The following SLC24A2 variants were observed in gnomAD, a reference collection of about 807,000 sequenced individuals.
SLC24A2 encodes the protein sodium/potassium/calcium exchanger 2.
In SLC24A2, 36 loss-of-function variants were observed where a neutral mutation model predicts 62.0. The observed-to-expected ratio is 0.58, with a 90% confidence interval of 0.44 to 0.77. SLC24A2 has a LOEUF of 0.77. Among genes scored for constraint, SLC24A2 ranks in the 30% least tolerant of loss-of-function variants. The pLI is 0.00. For missense variants in SLC24A2, 846 were observed against 817.9 expected (o/e 1.03, Z -0.42); for synonymous variants, 358 against 294.0 (o/e 1.22, Z -2.23).
the SLC24A2 span, among the ~76,000 whole-genome samples, chr9:20,164,577 G>A: frequency 3.9e-4 from 59 of 150,770 alleles, no homozygotes; most frequent in East Asian, 7.3e-3. Context: ...TCAGTGTGGC[G>A]ATTCCTCAGG....
chr9:20,300,971 A>ACAGTG, the SLC24A2 span, among the ~76,000 whole-genome samples: 1 of 152,298 alleles, frequency 6.6e-6, no homozygotes, highest in East Asian at 1.9e-4. Context: ...ACACACACAA[A>ACAGTG]CAGTGTCAAT....
At chr9:19,581,009 T>A (rs1248765193) in intron 5 of SLC24A2, among the ~76,000 whole-genome samples, 4 of 152,104 alleles carry the variant, frequency 2.6e-5, no homozygotes, top group Non-Finnish European at 5.9e-5. Flanking sequence ...TGTGTGGCAT[T>A]GAAAGAACTC....
At chr9:19,814,517 G>C in the SLC24A2 span, among the ~76,000 whole-genome samples, 1 of 152,078 alleles carries the variant, frequency 6.6e-6, no homozygotes, top group Non-Finnish European at 1.5e-5. Flanking sequence ...GGTAGTAATT[G>C]AGCTTTCCTT....
chr9:19,881,674 C>T, the SLC24A2 span, among the ~76,000 whole-genome samples: 1 of 152,130 alleles, frequency 6.6e-6, no homozygotes, highest in African/African-American at 2.4e-5. Context: ...GGCAACATTG[C>T]CAGTACTCTT....
intron 2 of SLC24A2, among the ~76,000 whole-genome samples, chr9:19,654,124 G>A (rs1240910126): frequency 3.9e-5 from 6 of 152,142 alleles, no homozygotes. Context: ...TCCACTTTTG[G>A]TTATTACAGT....
At chr9:20,297,287 C>T in the SLC24A2 span, among the ~76,000 whole-genome samples, 1 of 152,128 alleles carries the variant, frequency 6.6e-6, no homozygotes, top group African/African-American at 2.4e-5. Flanking sequence ...GGTTAGGACC[C>T]AAACCTGGAT....
the SLC24A2 span, among the ~76,000 whole-genome samples, chr9:20,158,097 G>C: frequency 6.6e-6 from 1 of 151,438 alleles, no homozygotes; most frequent in African/African-American, 2.4e-5. Context: ...TTAATACATA[G>C]AATCAAAAAT....
At position 19,786,249 on chromosome 9, in the gene SLC24A2, G is replaced by T; in HGVS notation, c.618C>A (p.Gly206=). The T allele has an allele frequency of 1.9e-6, 3 of 1,614,090 alleles. No individual in the cohort carries two copies. The highest frequency in any genetic ancestry group is 2.5e-6 in the Non-Finnish European group (3 of 1,180,012). ...VFIAHSNVGI[G]TIVGSAVFNI... ...TGAATACTGCTGAACCTACAATTGT[G>T]CCTATGCCAACGTTGCTGTGAGCGA... is the stretch of plus-strand genomic sequence containing the variant. Residue 206 remains glycine (G), a synonymous_variant, in exon 2 of 11, where the codon GGC becomes GGA. Transcript: ENST00000341998. This position sits in a 1 kb window ranked among gnomAD's most constrained non-coding sequence, Gnocchi z 5.0.
chr9:20,186,490 C>T, the SLC24A2 span, among the ~76,000 whole-genome samples: 1 of 152,084 alleles, frequency 6.6e-6, no homozygotes, highest in Non-Finnish European at 1.5e-5. Context: ...TTGCCTGGAC[C>T]ACCTCCCTAC....
the SLC24A2 span, among the ~76,000 whole-genome samples, chr9:20,297,664 T>C: frequency 6.6e-6 from 1 of 152,170 alleles, no homozygotes; most frequent in Non-Finnish European, 1.5e-5. Flanking sequence ...GCTGACTCTG[T>C]CGTGTGACAG....
the SLC24A2 span, among the ~76,000 whole-genome samples, chr9:20,279,242 TA>T: frequency 6.6e-6 from 1 of 152,170 alleles, no homozygotes; most frequent in Non-Finnish European, 1.5e-5. Flanking sequence ...ATTGTTTATT[TA>T]AAACCGGCCA....
At chr9:19,905,461 T>G in the SLC24A2 span, among the ~76,000 whole-genome samples, 1 of 151,186 alleles carries the variant, frequency 6.6e-6, no homozygotes, top group East Asian at 1.9e-4. Context: ...TAGGCTGGAG[T>G]GCAATGGTGT....
chr9:20,214,469 G>C, the SLC24A2 span, among the ~76,000 whole-genome samples: 3 of 151,992 alleles, frequency 2.0e-5, no homozygotes, highest in South Asian at 2.1e-4. Context: ...AAAAAAATTA[G>C]CTGGGCATTG....
the SLC24A2 span, among the ~76,000 whole-genome samples, chr9:20,142,304 A>G: frequency 6.6e-6 from 1 of 152,082 alleles, no homozygotes; most frequent in Non-Finnish European, 1.5e-5. Context: ...TTTATTGTAC[A>G]AATGTCTCTT....
At chr9:20,285,346 C>G in the SLC24A2 span, among the ~76,000 whole-genome samples, 319 of 152,234 alleles carry the variant, frequency 2.1e-3, 3 homozygotes, top group African/African-American at 7.3e-3. Flanking sequence ...TGAAGGTTGG[C>G]AAGACATTGA....
At chr9:20,053,117 T>C in the SLC24A2 span, among the ~76,000 whole-genome samples, 2 of 152,224 alleles carry the variant, frequency 1.3e-5, no homozygotes, top group East Asian at 1.9e-4. Context: ...TTGTCTCTAA[T>C]ATTCTAGTTA....
the SLC24A2 span, among the ~76,000 whole-genome samples, chr9:19,837,064 G>C: frequency 6.6e-6 from 1 of 152,166 alleles, no homozygotes; most frequent in Non-Finnish European, 1.5e-5. Flanking sequence ...ATTAGGTATT[G>C]ATGGGACGTA....
chr9:19,586,410 T>A (rs1836372857), intron 5 of SLC24A2, among the ~76,000 whole-genome samples: 1 of 152,124 alleles, frequency 6.6e-6, no homozygotes, highest in African/African-American at 2.4e-5. Flanking sequence ...GTGCTCAGAT[T>A]TTTCGCTATA....
intron 2 of SLC24A2, among the ~76,000 whole-genome samples, chr9:19,649,269 CATG>C (rs1418839751): frequency 6.6e-6 from 1 of 151,900 alleles, no homozygotes; most frequent in Non-Finnish European, 1.5e-5. Flanking sequence ...AATTTACTTT[CATG>C]ATAATTGACG....
Sources: allele counts gnomAD v4.1 joint callset (sites outside exome capture counted in the v4.1 genomes callset), GRCh38; gene constraint gnomAD v4.1.1; non-coding constraint Gnocchi (gnomAD v3.1); transcripts MANE v1.5; gene names NCBI Gene and HGNC (gene_info 2026-07-23, HGNC 2026-07-21).